The following SGCD variants were observed in gnomAD, a reference collection of about 807,000 sequenced individuals.
The protein encoded by SGCD is delta-sarcoglycan.
In SGCD, 18 loss-of-function variants were observed where a neutral mutation model predicts 36.6. The observed-to-expected ratio is 0.49, with a 90% confidence interval of 0.34 to 0.73. The LOEUF (loss-of-function observed/expected upper bound fraction) is 0.73. Ranked by LOEUF, SGCD falls within the 30% of genes least tolerant of loss-of-function variation. The pLI is 0.01. For missense variants in SGCD, 387 were observed against 346.7 expected, an observed-to-expected ratio of 1.12 and a Z score of -0.92; for synonymous variants, 133 against 130.6, an observed-to-expected ratio of 1.02 and a Z score of -0.12.
At chr5:155,812,509 C>T in the SGCD span, among the ~76,000 whole-genome samples, 1 of 152,296 alleles carries the variant, frequency 6.6e-6, no homozygotes, top group African/African-American at 2.4e-5. Context: ...GGTCTCCCTA[C>T]ACTTAGTTTC....
At chr5:156,553,865 A>C (rs1758894031) in intron 4 of SGCD, among the ~76,000 whole-genome samples, 1 of 152,214 alleles carries the variant, frequency 6.6e-6, no homozygotes, top group South Asian at 2.1e-4. Context: ...CAGTTGATGG[A>C]CATTTGAGTT....
chr5:156,477,155 T>A (rs1293684324), intron 3 of SGCD, among the ~76,000 whole-genome samples: 1 of 152,142 alleles, frequency 6.6e-6, no homozygotes, highest in African/African-American at 2.4e-5. Context: ...TCTGTTGTTA[T>A]GTTTAAGGAA....
At chr5:156,358,342 A>C (rs1347200072) in intron 3 of SGCD, among the ~76,000 whole-genome samples, 1 of 152,220 alleles carries the variant, frequency 6.6e-6, no homozygotes, top group African/African-American at 2.4e-5. Flanking sequence ...AGGAGACAGC[A>C]GAAATAATTT....
At chr5:155,823,100 ATC>A in the SGCD span, among the ~76,000 whole-genome samples, 8 of 150,036 alleles carry the variant, frequency 5.3e-5, no homozygotes, top group East Asian at 1.6e-3. Context: ...CTATCTATCT[ATC>A]TATCTATCTA....
At chr5:156,330,393 G>A (rs1436709629) in intron 2 of SGCD, among the ~76,000 whole-genome samples, 1 of 152,152 alleles carries the variant, frequency 6.6e-6, no homozygotes, top group Non-Finnish European at 1.5e-5. Context: ...TCTTAGGTCA[G>A]GTCCTGGCTC....
intron 3 of SGCD, among the ~76,000 whole-genome samples, chr5:156,352,695 A>G (rs1769316500): frequency 6.6e-6 from 1 of 152,328 alleles, no homozygotes; most frequent in East Asian, 1.9e-4. Context: ...ATAAAAACTC[A>G]TACAGGATTA....
chr5:156,624,438 G>A (rs528803148), intron 6 of SGCD, among the ~76,000 whole-genome samples: 6 of 152,172 alleles, frequency 3.9e-5, no homozygotes, highest in South Asian at 2.1e-4. Flanking sequence ...AAAATTAGCC[G>A]GGCGTGTTAG....
chr5:156,473,786 G>A (rs937755817), intron 3 of SGCD, among the ~76,000 whole-genome samples: 1 of 152,128 alleles, frequency 6.6e-6, no homozygotes, highest in African/African-American at 2.4e-5. Context: ...GTTTTAAGGA[G>A]CAATCGAAGT....
At chr5:156,132,099 T>C (rs1379898233) in intron 3 of SGCD, among the ~76,000 whole-genome samples, 1 of 152,156 alleles carries the variant, frequency 6.6e-6, no homozygotes, top group Non-Finnish European at 1.5e-5. Context: ...CTCCAAGTAA[T>C]GTTGTCAAAA....
At chr5:156,307,155 C>T (rs563875073) in intron 3 of SGCD, among the ~76,000 whole-genome samples, 1 of 151,806 alleles carries the variant, frequency 6.6e-6, no homozygotes, top group Admixed American at 6.6e-5. Flanking sequence ...AATCCTTCCA[C>T]CTCAGCCTCC....
chr5:155,895,547 A>G (rs937790490), intron 1 of SGCD, among the ~76,000 whole-genome samples: 1 of 152,224 alleles, frequency 6.6e-6, no homozygotes, highest in African/African-American at 2.4e-5. Flanking sequence ...GCTGTCATCT[A>G]TCAGTCTTCA....
At chr5:156,246,651 AAT>A (rs1380353391) in intron 3 of SGCD, among the ~76,000 whole-genome samples, 1 of 152,238 alleles carries the variant, frequency 6.6e-6, no homozygotes, top group East Asian at 1.9e-4. Context: ...CCATGTGCAG[AAT>A]ATAGAGTATC....
intron 3 of SGCD, among the ~76,000 whole-genome samples, chr5:156,407,620 A>C (rs945912539): frequency 1.3e-5 from 2 of 152,218 alleles, no homozygotes; most frequent in Non-Finnish European, 2.9e-5. Context: ...TACTCAGTTA[A>C]ATTTTCTATG....
chr5:156,339,809 G>T (rs1411976665), intron 2 of SGCD, among the ~76,000 whole-genome samples: 1 of 152,116 alleles, frequency 6.6e-6, no homozygotes, highest in South Asian at 2.1e-4. Context: ...AATGAGAAAG[G>T]AAATTAAATT....
intron 3 of SGCD, among the ~76,000 whole-genome samples, chr5:156,230,132 G>A (rs1229535200): frequency 6.6e-6 from 1 of 152,024 alleles, no homozygotes; most frequent in Non-Finnish European, 1.5e-5. Flanking sequence ...TTTCTCTGGT[G>A]CTTCCCTGTT....
rs114185947 is a variant in SGCD at position 156,456,190 on chromosome 5, C to T, written c.193-52411C>T. On this transcript the variant is annotated intron_variant, in intron 3 of 8. Transcript: ENST00000337851. ...GGGAGGTAGCTTTGGAATGGGATAA[C>T]GGATGGAGGCTAGGAGAGTTTGTGG... 8.0e-4 allele frequency among the ~76,000 whole-genome samples: 122 copies of T among 152,208 alleles called. 1 individual carries two copies. The highest frequency in any genetic ancestry group is 6.8e-3 in the Middle Eastern group (2 of 294).
chr5:156,590,682 T>G lies in SGCD; in HGVS notation c.382+1364T>G, dbSNP rs180845506. ...AGATTTGGTTTATTTGAGATTTTGT[T>G]TTGATAAATCTGGAACTGCCCAAAT... On this transcript the variant is annotated intron_variant, in intron 5 of 8. Coordinates refer to ENST00000337851, the MANE Select transcript of SGCD (RefSeq NM_000337.6). Among the ~76,000 whole-genome samples the G allele has an allele frequency of 1.2e-4, 18 of 152,248 alleles. No individual in the cohort carries two copies. In the East Asian group the frequency reaches 3.1e-3, roughly 26 times the overall value.
At chr5:156,114,717 T>C (rs1199126445) in intron 1 of SGCD, among the ~76,000 whole-genome samples, 2 of 152,166 alleles carry the variant, frequency 1.3e-5, no homozygotes, top group African/African-American at 4.8e-5. Flanking sequence ...TCAAGCAGTA[T>C]GAAAGTAAAA....
At chr5:156,132,530 G>T (rs256774) in intron 3 of SGCD, among the ~76,000 whole-genome samples, 2 of 132,504 alleles carry the variant, frequency 1.5e-5, no homozygotes, top group Non-Finnish European at 3.1e-5. Flanking sequence ...CTGCAGTGGC[G>T]CTATCCCGGC....
Sources: allele counts gnomAD v4.1 joint callset (sites outside exome capture counted in the v4.1 genomes callset), GRCh38; gene constraint gnomAD v4.1.1; transcripts MANE v1.5; gene names NCBI Gene and HGNC (gene_info 2026-07-23, HGNC 2026-07-21).